The following ZC3H7A variants were observed in gnomAD, a reference collection of about 807,000 sequenced individuals.
The protein encoded by ZC3H7A is zinc finger CCCH-type containing 7A.
Under a neutral mutation model 125.5 loss-of-function variants are expected in ZC3H7A, and 44 were observed. That is an observed-to-expected ratio of 0.35 (90% CI 0.28 to 0.45). The LOEUF is 0.45. Among genes scored for constraint, ZC3H7A ranks in the 20% least tolerant of loss-of-function variants. The probability of loss-of-function intolerance (pLI) is 1.00; values close to 1 mark genes in which losing one functional copy is unlikely to be tolerated. For missense variants in ZC3H7A, 977 were observed against 1,170.7 expected (o/e 0.83, Z 2.41); for synonymous variants, 399 against 391.2 (o/e 1.02, Z -0.23).
At position 11,751,183 on chromosome 16, in the gene ZC3H7A, G is replaced by T. The variant is rs182236274; in HGVS notation, c.*134C>A. 9 of 899,888 alleles carry T rather than the reference G, an allele frequency of 1.0e-5. No homozygotes were observed. In the Admixed American group the frequency reaches 2.8e-4, roughly 28 times the overall value. 55.7% of individuals were successfully genotyped at this position (899,888 alleles called of 1,614,324 possible). ...AACAGCCCATTTTCCTACCTACTGT[G>T]GGTTGCTGCTCAGGAGGAACGATAT... On this transcript the variant is annotated 3_prime_UTR_variant, in exon 23 of 23. Coordinates refer to ENST00000355758, the MANE Select transcript of ZC3H7A (RefSeq NM_014153.4).
intron 1 of ZC3H7A, among the ~76,000 whole-genome samples, chr16:11,795,579 G>A (rs753654890): frequency 9.9e-5 from 15 of 152,086 alleles, no homozygotes; most frequent in Non-Finnish European, 1.9e-4. Flanking sequence ...GGGATTACAG[G>A]CGCCTGCCAC....
At chr16:11,769,990 T>G (rs934779234) in intron 10 of ZC3H7A, among the ~76,000 whole-genome samples, 13 of 151,606 alleles carry the variant, frequency 8.6e-5, no homozygotes, top group African/African-American at 3.2e-4. Context: ...TTTCACCATG[T>G]TGCCCAGGCT....
At chr16:11,770,258 A>G (rs1013051377) in intron 10 of ZC3H7A, among the ~76,000 whole-genome samples, 2 of 152,316 alleles carry the variant, frequency 1.3e-5, no homozygotes, top group South Asian at 4.1e-4. Flanking sequence ...TTTGAAGTAT[A>G]TATGTTAAAC....
chr16:11,767,125 T>C (rs920462190), intron 13 of ZC3H7A, among the ~76,000 whole-genome samples: 3 of 152,220 alleles, frequency 2.0e-5, no homozygotes, highest in Admixed American at 6.5e-5. Context: ...ATAAGATTAA[T>C]ACTGTGTTTT....
chr16:11,785,822 C>T (rs879463375), intron 1 of ZC3H7A, among the ~76,000 whole-genome samples: 5 of 152,120 alleles, frequency 3.3e-5, no homozygotes, highest in African/African-American at 7.2e-5. Flanking sequence ...GGTTTCACCG[C>T]GTTAGCCAGG....
chr16:11,777,433 A>G (rs960367910), intron 4 of ZC3H7A, among the ~76,000 whole-genome samples: 3 of 151,562 alleles, frequency 2.0e-5, no homozygotes, highest in Non-Finnish European at 4.4e-5. Context: ...AATTAAAAGC[A>G]CTTCAGGTTG....
At chr16:11,763,710 A>AATATATATATATATAT (rs55932357) in intron 15 of ZC3H7A, 51 bp from the exon 16 acceptor site, 2 of 225,066 alleles carry the variant, frequency 8.9e-6, no homozygotes, top group African/African-American at 3.4e-5. Context: ...AGATTTTTCA[A>AATATATATATATATAT]ATATATATAT....
At chr16:11,753,099 C>A in intron 21 of ZC3H7A, 1 of 390,668 alleles carries the variant, frequency 2.6e-6, no homozygotes, top group Non-Finnish European at 4.6e-6. Flanking sequence ...GCTGGGAGAA[C>A]AAGAGGCAGG....
intron 1 of ZC3H7A, among the ~76,000 whole-genome samples, chr16:11,788,302 C>A (rs1025203795): frequency 6.6e-6 from 1 of 152,084 alleles, no homozygotes; most frequent in Admixed American, 6.6e-5. Context: ...CTCTTGAGAT[C>A]TCCCCGAGCC....
In ZC3H7A at chr16:11,774,292, C is replaced by T. The variant is rs774127728; in HGVS notation, c.847G>A (p.Gly283Arg). 6.2e-7 allele frequency: 1 copy of T among 1,613,326 alleles called. No individual in the cohort carries two copies. Among genetic ancestry groups the T allele is most frequent in the Admixed American group, 1.7e-5 (1 of 59,932 alleles). The change falls in exon 9 of 23, where the codon GGA becomes AGA. Residue 283 changes from glycine to arginine, a missense_variant. By Grantham distance (125) the Gly-to-Arg change is moderately radical. This residue lies in a region of ZC3H7A where 342 missense variants were observed against 311.3 expected (regional missense o/e 1.10). Coordinates refer to ENST00000355758, the MANE Select transcript of ZC3H7A (RefSeq NM_014153.4). Reference sequence around the variant, plus strand: ...TCAAGCAGGTCATCTAGTTCATCTCCAAGGACCATATCTCCATCATCTAGA... The same window carrying T: ...TCAAGCAGGTCATCTAGTTCATCTCTAAGGACCATATCTCCATCATCTAGA... ...AFLDDGDMVL[G>R]DELDDLLDSA...
chr16:11,759,552 G>C (rs546729698), intron 19 of ZC3H7A: 1 of 152,290 alleles, frequency 6.6e-6, no homozygotes, highest in South Asian at 2.1e-4. Flanking sequence ...TAAGTACTTA[G>C]TCATATTACT....
intron 21 of ZC3H7A, among the ~76,000 whole-genome samples, chr16:11,754,861 G>A (rs560906482): frequency 4.5e-5 from 6 of 133,942 alleles, no homozygotes; most frequent in Admixed American, 8.2e-5. Context: ...CATTGCACTC[G>A]TGCCTGGGCG....
intron 13 of ZC3H7A, among the ~76,000 whole-genome samples, chr16:11,766,098 GA>G (rs5815653): frequency 0.078 from 11,109 of 141,656 alleles, 456 homozygotes; most frequent in Middle Eastern, 0.12. Flanking sequence ...CACCTCAGCT[GA>G]AAAAAAAAAA....
rs529124830 is a variant in ZC3H7A at position 11,769,710 on chromosome 16, CAAAAAA to C, written c.1109-621_1109-616del. Among the ~76,000 whole-genome samples the C allele has an allele frequency of 4.0e-4, 13 of 32,554 alleles. 2 individuals are homozygous for C. Among genetic ancestry groups the C allele is most frequent in the African/African-American group, 2.3e-3 (12 of 5,328 alleles). The allele number at this position is 32,554 out of a possible 152,430, so 21.4% of individuals were successfully genotyped here. A position where few individuals can be genotyped will look rare whatever the true frequency, so the allele number is the denominator to read the frequency against. On this transcript the variant is annotated intron_variant, in intron 10 of 22. Coordinates refer to ENST00000355758, the MANE Select transcript of ZC3H7A (RefSeq NM_014153.4). ...TGGGCAACAGAGTGAGACTCTGTCT[CAAAAAA>C]AAAAAAAAAAAAAGCAGGAACTGAC...
chr16:11,767,640 A>T (rs2052883979), intron 12 of ZC3H7A, 62 bp from the exon 13 acceptor site: 2 of 1,450,230 alleles, frequency 1.4e-6, no homozygotes, highest in Non-Finnish European at 1.8e-6. Context: ...TTTTACAGGT[A>T]AATTTACAAG....
At chr16:11,780,124 T>G (rs1215782593) in intron 3 of ZC3H7A, among the ~76,000 whole-genome samples, 1 of 139,514 alleles carries the variant, frequency 7.2e-6, no homozygotes, top group East Asian at 2.2e-4. Flanking sequence ...TTTTTTTTCT[T>G]TTCTTTTTTT....
chr16:11,758,587 A>C, intron 19 of ZC3H7A, 48 bp from the exon 20 acceptor site: 1 of 1,373,922 alleles, frequency 7.3e-7, no homozygotes, highest in East Asian at 2.3e-5. Flanking sequence ...CACCTAGTAA[A>C]ACGGCCTAAT....
chr16:11,775,977 T>C (rs954019861), intron 7 of ZC3H7A, among the ~76,000 whole-genome samples: 2 of 151,926 alleles, frequency 1.3e-5, no homozygotes, highest in African/African-American at 4.8e-5. Context: ...CTGGGCAACA[T>C]GGTGAAACCC....
At chr16:11,763,358 C>A in intron 16 of ZC3H7A, 120 bp downstream of exon 16, 1 of 1,021,548 alleles carries the variant, frequency 9.8e-7, no homozygotes, top group Non-Finnish European at 1.4e-6. Context: ...ATCCATCTGC[C>A]TCAGCCTCCC....
Sources: gnomAD v4.1 joint callset for allele counts (sites outside exome capture counted in the v4.1 genomes callset) on GRCh38, gnomAD v4.1.1 for gene constraint, gnomAD v4.1.1 regional missense constraint, MANE v1.5 for transcripts, NCBI Gene and HGNC (gene_info 2026-07-23, HGNC 2026-07-21) for gene names.